PRKAR2B: variants seen among roughly 807,000 people sequenced by gnomAD.
The protein encoded by PRKAR2B is protein kinase cAMP-dependent type II regulatory subunit beta.
PRKAR2B carries 14 observed loss-of-function variants against 49.9 expected under a neutral mutation model. The ratio of observed to expected loss-of-function variants is 0.28; its 90% CI spans 0.19 to 0.44. The LOEUF (loss-of-function observed/expected upper bound fraction) is 0.44, where lower values mean the gene tolerates loss of function less well. Ranked by LOEUF, PRKAR2B falls within the 20% of genes least tolerant of loss-of-function variation. PRKAR2B has a pLI of 1.00. For synonymous variants in PRKAR2B, 196 were observed against 197.7 expected (o/e 0.99, Z 0.07); for missense variants, 393 against 537.9 (o/e 0.73, Z 2.67).
chr7:107,050,194 T>C (rs1438384672), intron 1 of PRKAR2B, among the ~76,000 whole-genome samples: 1 of 152,086 alleles, frequency 6.6e-6, no homozygotes. Flanking sequence ...TAAAACCAGT[T>C]GTGAAGGCTT....
chr7:107,075,811 A>G (rs1584414043), intron 2 of PRKAR2B, among the ~76,000 whole-genome samples: 1 of 152,200 alleles, frequency 6.6e-6, no homozygotes, highest in African/African-American at 2.4e-5. Flanking sequence ...AGCCTGTCAG[A>G]ATAAAGCCTT....
At chr7:107,153,374 T>C in intron 8 of PRKAR2B, 123 bp downstream of exon 8, 1 of 564,438 alleles carries the variant, frequency 1.8e-6, no homozygotes, top group Non-Finnish European at 2.9e-6. Flanking sequence ...AAATAAATAT[T>C]ACTTCTACCA....
At chr7:107,078,894 G>C (rs1352874287) in intron 2 of PRKAR2B, among the ~76,000 whole-genome samples, 3 of 152,182 alleles carry the variant, frequency 2.0e-5, no homozygotes, top group African/African-American at 4.8e-5. Context: ...GTTCAGGTTG[G>C]GGCATGGTGG....
chr7:107,133,706 C>T (rs1795643564), intron 4 of PRKAR2B: 1 of 152,178 alleles, frequency 6.6e-6, no homozygotes, highest in Admixed American at 6.5e-5. Context: ...AAACCCATCA[C>T]CATCATTCTT....
At chr7:107,136,611 G>A (rs376441471) in intron 4 of PRKAR2B, among the ~76,000 whole-genome samples, 1 of 152,262 alleles carries the variant, frequency 6.6e-6, no homozygotes, top group South Asian at 2.1e-4. Context: ...CAATGAGATA[G>A]TACTACACAT....
intron 3 of PRKAR2B, 22 bp downstream of exon 3, chr7:107,122,026 TG>T (rs1795397530): frequency 6.6e-7 from 1 of 1,520,044 alleles, no homozygotes; most frequent in Non-Finnish European, 9.0e-7. Flanking sequence ...ACTGAATGAA[TG>T]AATTTTAAAT....
intron 5 of PRKAR2B, among the ~76,000 whole-genome samples, chr7:107,143,673 C>T (rs1385058022): frequency 1.3e-5 from 2 of 152,124 alleles, no homozygotes; most frequent in Non-Finnish European, 2.9e-5. Flanking sequence ...GCTGAACAAC[C>T]ACAGATTGTC....
chr7:107,112,208 A>T (rs1340856216), intron 2 of PRKAR2B, among the ~76,000 whole-genome samples: 2 of 150,540 alleles, frequency 1.3e-5, no homozygotes, highest in Non-Finnish European at 3.0e-5. Context: ...AAAGAACCAA[A>T]AACCAAACTA....
At chr7:107,136,498 G>A (rs548839156) in intron 4 of PRKAR2B, among the ~76,000 whole-genome samples, 53 of 152,214 alleles carry the variant, frequency 3.5e-4, no homozygotes, top group Non-Finnish European at 6.6e-4. Flanking sequence ...TTGGACCAAA[G>A]ATGTTAACAG....
chr7:107,122,128 T>C (rs1320547504), intron 3 of PRKAR2B, 124 bp downstream of exon 3: 2 of 547,784 alleles, frequency 3.7e-6, no homozygotes, highest in Non-Finnish European at 6.1e-6. Flanking sequence ...TTATTTTGAC[T>C]GTTTCTTTTC....
At chr7:107,103,608 C>T (rs1181564212) in intron 2 of PRKAR2B, among the ~76,000 whole-genome samples, 1 of 152,214 alleles carries the variant, frequency 6.6e-6, no homozygotes, top group Non-Finnish European at 1.5e-5. Context: ...GGAAGTGAGA[C>T]AGTCACAGAG....
Position 107,044,985 on chromosome 7 carries a change from G to C in PRKAR2B, c.78G>C (p.Ala26=), listed in dbSNP as rs768294129. Residue 26 remains alanine, a synonymous_variant, in exon 1 of 11, where the codon GCG becomes GCC. Transcript: ENST00000265717. ...TGGAGGTGCTGAGGCACCAGCCCGC[G>C]GACCTGCTGGAGTTCGCGCTGCAGC... ...FTVEVLRHQP[A]DLLEFALQHF... 4.5e-6 allele frequency: 7 copies of C among 1,569,012 alleles called. No individual in the cohort carries two copies. Among genetic ancestry groups the C allele is most frequent in the South Asian group, 2.3e-5 (2 of 85,722 alleles).
chr7:107,086,627 A>G (rs1794625633), intron 2 of PRKAR2B, among the ~76,000 whole-genome samples: 1 of 151,850 alleles, frequency 6.6e-6, no homozygotes. Flanking sequence ...TGCCTGGGTC[A>G]TTTTTGCATT....
intron 2 of PRKAR2B, among the ~76,000 whole-genome samples, chr7:107,118,562 G>T (rs1324796979): frequency 6.6e-6 from 1 of 152,184 alleles, no homozygotes; most frequent in African/African-American, 2.4e-5. Context: ...CTGCGTCTCA[G>T]CCTGGAGAGG....
At chr7:107,065,828 G>T (rs1052316042) in intron 1 of PRKAR2B, among the ~76,000 whole-genome samples, 5 of 152,166 alleles carry the variant, frequency 3.3e-5, no homozygotes, top group African/African-American at 1.2e-4. Flanking sequence ...AGCAGTTCCT[G>T]CTGGCCTGGT....
At chr7:107,126,586 C>T (rs886582134) in intron 3 of PRKAR2B, among the ~76,000 whole-genome samples, 16 of 152,100 alleles carry the variant, frequency 1.1e-4, no homozygotes, top group Admixed American at 4.6e-4. Flanking sequence ...ATACTGATGC[C>T]TGATGCACTC....
Position 107,045,175 on chromosome 7 carries a change from G to A in PRKAR2B, c.268G>A (p.Glu90Lys), listed in dbSNP as rs1292233393. 2 of 1,477,400 alleles carry A rather than the reference G, an allele frequency of 1.4e-6. No individual in the cohort carries two copies. The highest frequency in any genetic ancestry group is 1.3e-5 in the South Asian group (1 of 77,236). The allele number at this position is 1,477,400 out of a possible 1,614,324, so 91.5% of individuals were successfully genotyped here. Residue 90 changes from glutamate (E) to lysine (K), a missense_variant, in exon 1 of 11, where the codon GAG becomes AAG. Coordinates refer to ENST00000265717, the MANE Select transcript of PRKAR2B (RefSeq NM_002736.3). ...GCAGTCCGACTCCGAGGACGGGGAG[G>A]AGGAGGAGGCGGCGCCCGCGGACGC... Reference protein sequence around the residue: ...PMQSDSEDGEEEEAAPADAGA... With the variant: ...PMQSDSEDGEKEEAAPADAGA...
chr7:107,063,965 C>T (rs193052770), intron 1 of PRKAR2B, among the ~76,000 whole-genome samples: 2 of 152,156 alleles, frequency 1.3e-5, no homozygotes, highest in Non-Finnish European at 2.9e-5. Flanking sequence ...TCTGACCGTA[C>T]AGACTTAAAA....
At chr7:107,127,938 C>G (rs1158536345) in intron 3 of PRKAR2B, among the ~76,000 whole-genome samples, 2 of 152,156 alleles carry the variant, frequency 1.3e-5, no homozygotes, top group Non-Finnish European at 2.9e-5. Flanking sequence ...AACTTGCTAA[C>G]CTAGGGGAAA....
Sources: gnomAD v4.1 joint callset for allele counts (sites outside exome capture counted in the v4.1 genomes callset) on GRCh38, gnomAD v4.1.1 for gene constraint, MANE v1.5 for transcripts, NCBI Gene and HGNC (gene_info 2026-07-23, HGNC 2026-07-21) for gene names.